The following UBLCP1 variants were observed in gnomAD, a reference collection of about 807,000 sequenced individuals.
UBLCP1 encodes ubiquitin like domain containing CTD phosphatase 1.
In UBLCP1, 28 loss-of-function variants were observed where a neutral mutation model predicts 42.4. The observed-to-expected ratio is 0.66, with a 90% CI of 0.49 to 0.90. The LOEUF is 0.90. Ranked by LOEUF, UBLCP1 falls within the 40% of genes least tolerant of loss-of-function variation. The pLI, the probability that UBLCP1 is intolerant of heterozygous loss-of-function variation, is 0.00. For missense variants in UBLCP1, 279 were observed against 374.5 expected (o/e 0.75, Z 2.10); for synonymous variants, 122 against 120.8 (o/e 1.01, Z -0.07).
intron 6 of UBLCP1, among the ~76,000 whole-genome samples, chr5:159,273,744 C>T (rs1339228079): frequency 2.6e-5 from 4 of 151,258 alleles, no homozygotes; most frequent in East Asian, 2.0e-4. Context: ...CAGTTTTGTA[C>T]GTGTAAGGTG....
intron 2 of UBLCP1, 84 bp from the exon 3 acceptor site, chr5:159,269,824 T>G (rs1363825093): frequency 1.2e-5 from 13 of 1,121,858 alleles, no homozygotes; most frequent in African/African-American, 3.2e-5. Flanking sequence ...TACCAAACCT[T>G]TTAATGTTAG....
intron 5 of UBLCP1, among the ~76,000 whole-genome samples, chr5:159,270,867 T>C (rs1167491670): frequency 2.4e-5 from 3 of 125,482 alleles, no homozygotes; most frequent in Non-Finnish European, 5.5e-5. Flanking sequence ...TAATTTGATA[T>C]ATATCTTTTA....
chr5:159,278,361 C>T lies in UBLCP1; in HGVS notation c.801+7C>T. ...CCCACAGAATGGACTAAAGGTAAGA[C>T]ATACTTTTACTTGTTATGTGCTCAT... On this transcript the variant is annotated splice_region_variant and intron_variant, in intron 9 of 10. Transcript: ENST00000296786. The T allele has an allele frequency of 6.4e-7, 1 of 1,566,300 alleles. No homozygotes were observed. The highest frequency in any genetic ancestry group is 1.1e-5 in the South Asian group (1 of 90,056).
chr5:159,275,675 G>T (rs1046609084), intron 8 of UBLCP1, among the ~76,000 whole-genome samples: 1 of 152,130 alleles, frequency 6.6e-6, no homozygotes, highest in Admixed American at 6.5e-5. Flanking sequence ...GCCTCCCAAA[G>T]TGCTGGGATT....
chr5:159,283,073 G>T, intron 9 of UBLCP1, 139 bp from the exon 10 acceptor site: 1 of 787,826 alleles, frequency 1.3e-6, no homozygotes, highest in Non-Finnish European at 1.9e-6. Context: ...TTCTATTTAG[G>T]CTAATATAAA....
At chr5:159,278,138 A>C (rs1753560801) in intron 8 of UBLCP1, 100 bp from the exon 9 acceptor site, 2 of 751,476 alleles carry the variant, frequency 2.7e-6, no homozygotes, top group South Asian at 1.6e-5. Context: ...GGAAAGGAAC[A>C]CTTTGGCATT....
chr5:159,263,736 C>A (rs1342699594), intron 1 of UBLCP1, among the ~76,000 whole-genome samples: 2 of 152,218 alleles, frequency 1.3e-5, no homozygotes, highest in Admixed American at 1.3e-4. Flanking sequence ...GCACAGCCCC[C>A]GACCCTGCAC....
intron 2 of UBLCP1, among the ~76,000 whole-genome samples, chr5:159,269,510 T>A (rs1236117502): frequency 7.2e-5 from 11 of 152,236 alleles, no homozygotes; most frequent in East Asian, 1.9e-4. Flanking sequence ...GGATTTTTTT[T>A]ATGGTGTTTT....
At chr5:159,270,288 A>C in intron 3 of UBLCP1, 72 bp from the exon 4 acceptor site, 1 of 1,244,206 alleles carries the variant, frequency 8.0e-7, no homozygotes, top group Non-Finnish European at 1.1e-6. Flanking sequence ...CTCTCATTTT[A>C]TTTTTATGCT....
chr5:159,274,510 A>T (rs1237406975), intron 6 of UBLCP1, 75 bp from the exon 7 acceptor site: 2 of 1,322,096 alleles, frequency 1.5e-6, no homozygotes, highest in Non-Finnish European at 2.1e-6. Flanking sequence ...TGCTTAGAAA[A>T]CTTACTTATA....
intron 8 of UBLCP1, among the ~76,000 whole-genome samples, chr5:159,276,619 C>T (rs971706982): frequency 3.9e-5 from 6 of 152,156 alleles, no homozygotes; most frequent in African/African-American, 1.4e-4. Flanking sequence ...TAAATTACTG[C>T]TACCCATATA....
intron 1 of UBLCP1, among the ~76,000 whole-genome samples, chr5:159,263,669 C>G (rs1177177647): frequency 6.6e-6 from 1 of 152,164 alleles, no homozygotes; most frequent in East Asian, 1.9e-4. Context: ...GAAGGCATCC[C>G]GGCCTTTTTG....
chr5:159,284,310 ATTATAGTAGT>A (rs1262971023), intron 10 of UBLCP1, among the ~76,000 whole-genome samples: 1 of 152,144 alleles, frequency 6.6e-6, no homozygotes, highest in African/African-American at 2.4e-5. Context: ...CACACCACCA[ATTATAGTAGT>A]TTGTAAATGT....
intron 1 of UBLCP1, among the ~76,000 whole-genome samples, chr5:159,264,228 A>G (rs186716772): frequency 9.2e-4 from 140 of 152,292 alleles, no homozygotes; most frequent in African/African-American, 3.2e-3. Flanking sequence ...TCTTGACCCT[A>G]GGTTGACCAT....
chr5:159,268,272 C>T (rs1316052298), intron 1 of UBLCP1, among the ~76,000 whole-genome samples: 3 of 152,160 alleles, frequency 2.0e-5, no homozygotes, highest in Non-Finnish European at 2.9e-5. Flanking sequence ...TTTGTTTAAC[C>T]AATACTTAAT....
chr5:159,278,470 T>C, intron 9 of UBLCP1, 116 bp downstream of exon 9: 1 of 770,456 alleles, frequency 1.3e-6, no homozygotes, highest in Middle Eastern at 2.3e-4. Context: ...TCTTATGTCA[T>C]AGGCGAGAAA....
At chr5:159,272,161 G>A in intron 6 of UBLCP1, 40 bp downstream of exon 6, 1 of 1,476,250 alleles carries the variant, frequency 6.8e-7, no homozygotes, top group South Asian at 1.1e-5. Context: ...GTGGAAATAG[G>A]TTGTTCCATA....
intron 6 of UBLCP1, among the ~76,000 whole-genome samples, chr5:159,274,186 G>A (rs757447488): frequency 1.7e-4 from 26 of 152,068 alleles, no homozygotes; most frequent in Non-Finnish European, 3.2e-4. Context: ...TGCTTATATT[G>A]ACACTATGTA....
intron 9 of UBLCP1, among the ~76,000 whole-genome samples, chr5:159,279,234 G>A (rs1753575960): frequency 6.6e-6 from 1 of 152,118 alleles, no homozygotes; most frequent in African/African-American, 2.4e-5. Flanking sequence ...ACAGAATTTG[G>A]GTTAGACTCT....
Sources: allele counts gnomAD v4.1 joint callset (sites outside exome capture counted in the v4.1 genomes callset), GRCh38; gene constraint gnomAD v4.1.1; transcripts MANE v1.5; gene names NCBI Gene and HGNC (gene_info 2026-07-23, HGNC 2026-07-21).